The following SLC15A2 variants were observed in gnomAD, a reference collection of about 807,000 sequenced individuals.
SLC15A2 encodes the protein solute carrier family 15 member 2.
Under a neutral mutation model 95.5 loss-of-function variants are expected in SLC15A2, and 77 were observed. The observed-to-expected ratio is 0.81, with a 90% confidence interval of 0.67 to 0.97. The LOEUF (loss-of-function observed/expected upper bound fraction) is 0.97, where lower values mean the gene tolerates loss of function less well. Ranked by LOEUF, SLC15A2 falls within the 50% of genes least tolerant of loss-of-function variation. SLC15A2 has a pLI of 0.00. For synonymous variants in SLC15A2, 306 were observed against 306.9 expected (o/e 1.00, Z 0.03); for missense variants, 893 against 874.4 (o/e 1.02, Z -0.27).
intron 11 of SLC15A2, among the ~76,000 whole-genome samples, chr3:121,923,980 T>G (rs754672486): frequency 6.6e-6 from 1 of 152,172 alleles, no homozygotes; most frequent in Non-Finnish European, 1.5e-5. Flanking sequence ...GGAAACACTA[T>G]GTGTCAGGGA....
intron 5 of SLC15A2, among the ~76,000 whole-genome samples, chr3:121,913,417 T>G (rs1709814702): frequency 6.6e-6 from 1 of 152,192 alleles, no homozygotes; most frequent in Admixed American, 6.5e-5. Context: ...TTATAGATGC[T>G]GGAAGGATGT....
At chr3:121,908,800 T>G (rs1286488463) in intron 3 of SLC15A2, among the ~76,000 whole-genome samples, 1 of 152,160 alleles carries the variant, frequency 6.6e-6, no homozygotes, top group African/African-American at 2.4e-5. Flanking sequence ...CACATTAACT[T>G]GTTCATGATA....
chr3:121,941,129 C>A lies in SLC15A2; in HGVS notation c.*122C>A. On this transcript the variant is annotated 3_prime_UTR_variant, in exon 22 of 22. Transcript: ENST00000489711. ...AGAGCTGATCTCCTCCACCTTTCTC[C>A]AATGACAGAAGTTCCAGGACTGGTT... 3.5e-6 allele frequency: 3 copies of A among 853,212 alleles called. No individual in the cohort carries two copies. The highest frequency in any genetic ancestry group is 2.1e-5 in the South Asian group (1 of 47,852). The allele number at this position is 853,212 out of a possible 1,614,324, so 52.9% of individuals were successfully genotyped here.
chr3:121,927,460 C>G (rs1301249468), intron 13 of SLC15A2, among the ~76,000 whole-genome samples: 1 of 152,170 alleles, frequency 6.6e-6, no homozygotes, highest in Non-Finnish European at 1.5e-5. Context: ...CTCCCATCTC[C>G]TCGCTTGCTT....
chr3:121,926,286 C>T (rs758224496), intron 13 of SLC15A2, among the ~76,000 whole-genome samples: 1 of 152,020 alleles, frequency 6.6e-6, no homozygotes, highest in Non-Finnish European at 1.5e-5. Flanking sequence ...GGGAGGTAGT[C>T]GGATCATGGG....
At chr3:121,912,147 T>C (rs1709779764) in intron 4 of SLC15A2, among the ~76,000 whole-genome samples, 1 of 152,218 alleles carries the variant, frequency 6.6e-6, no homozygotes, top group Non-Finnish European at 1.5e-5. Context: ...ATTACAGCTG[T>C]TCACAAAGCA....
chr3:121,928,302 G>A, intron 14 of SLC15A2, 119 bp from the exon 15 acceptor site: 1 of 1,249,740 alleles, frequency 8.0e-7, no homozygotes, highest in South Asian at 1.5e-5. Context: ...TTTTCAGAGG[G>A]AGAAAACTAT....
intron 3 of SLC15A2, among the ~76,000 whole-genome samples, chr3:121,899,088 A>G (rs1709474558): frequency 1.3e-5 from 2 of 152,202 alleles, no homozygotes; most frequent in African/African-American, 4.8e-5. Context: ...AAAGATTCAT[A>G]TACATGACAT....
At chr3:121,912,589 T>TGTTG (rs1439976375) in intron 4 of SLC15A2, among the ~76,000 whole-genome samples, 1 of 152,192 alleles carries the variant, frequency 6.6e-6, no homozygotes, top group Non-Finnish European at 1.5e-5. Flanking sequence ...TCTTTGACAC[T>TGTTG]GTTGCTATTA....
intron 19 of SLC15A2, among the ~76,000 whole-genome samples, chr3:121,935,543 T>C (rs1165713188): frequency 6.6e-6 from 1 of 152,186 alleles, no homozygotes; most frequent in African/African-American, 2.4e-5. Context: ...CTTTCTAGTT[T>C]ATTTGTGTAG....
intron 3 of SLC15A2, among the ~76,000 whole-genome samples, chr3:121,906,395 A>G (rs937034831): frequency 3.9e-5 from 6 of 152,150 alleles, no homozygotes; most frequent in African/African-American, 1.4e-4. Context: ...ATTTGATCCA[A>G]TCATTATGAT....
intron 7 of SLC15A2, among the ~76,000 whole-genome samples, chr3:121,917,146 T>C (rs961927514): frequency 6.6e-6 from 1 of 152,132 alleles, no homozygotes; most frequent in African/African-American, 2.4e-5. Context: ...CATTCACTCA[T>C]TTTTTTAACC....
chr3:121,940,329 G>C, intron 20 of SLC15A2, 55 bp from the exon 21 acceptor site: 6 of 1,332,548 alleles, frequency 4.5e-6, no homozygotes, highest in South Asian at 1.2e-5. Context: ...TGGATGCATG[G>C]GGCATGAGGG....
In SLC15A2 at chr3:121,896,395, T is replaced by C. The variant is rs1709412751; in HGVS notation, c.106-11T>C. Reference sequence around the variant, plus strand: ...AGCTCATGCTTGAATCATTGCCTTCTTGTTGAATAGACAATCTGTGGCTCC... The same window carrying C: ...AGCTCATGCTTGAATCATTGCCTTCCTGTTGAATAGACAATCTGTGGCTCC... On this transcript the variant is annotated splice_polypyrimidine_tract_variant and intron_variant, in intron 1 of 21. Coordinates refer to ENST00000489711, the MANE Select transcript of SLC15A2 (RefSeq NM_021082.4). 6.2e-7 allele frequency: 1 copy of C among 1,608,096 alleles called. No individual in the cohort carries two copies. Among genetic ancestry groups the C allele is most frequent in the African/African-American group, 1.3e-5 (1 of 74,946 alleles).
intron 3 of SLC15A2, 149 bp downstream of exon 3, chr3:121,897,678 A>T (rs1406611714): frequency 3.6e-5 from 23 of 644,014 alleles, no homozygotes; most frequent in Non-Finnish European, 4.0e-5. Context: ...TGGGAAATTT[A>T]AAAAAAAAGA....
chr3:121,914,314 T>A (rs1288641778), intron 5 of SLC15A2, among the ~76,000 whole-genome samples: 1 of 152,206 alleles, frequency 6.6e-6, no homozygotes, highest in Non-Finnish European at 1.5e-5. Flanking sequence ...GGTGTCAGAA[T>A]GAAGCATGTC....
intron 19 of SLC15A2, among the ~76,000 whole-genome samples, chr3:121,938,810 C>A (rs1358739231): frequency 2.0e-5 from 3 of 152,190 alleles, no homozygotes; most frequent in African/African-American, 7.2e-5. Flanking sequence ...TCTCTTTTAA[C>A]CCTCCTGGCC....
At chr3:121,902,305 C>T (rs553181268) in intron 3 of SLC15A2, among the ~76,000 whole-genome samples, 19 of 152,202 alleles carry the variant, frequency 1.2e-4, no homozygotes, top group African/African-American at 3.4e-4. Context: ...TGGGCAATCA[C>T]TTAGAACCAC....
chr3:121,933,375 C>A (rs1394796519), intron 19 of SLC15A2, among the ~76,000 whole-genome samples: 8 of 149,238 alleles, frequency 5.4e-5, no homozygotes, highest in Non-Finnish European at 9.0e-5. Flanking sequence ...TACAGTCCCA[C>A]CAACAGTGTA....
Sources: gnomAD v4.1 joint callset for allele counts (sites outside exome capture counted in the v4.1 genomes callset) on GRCh38, gnomAD v4.1.1 for gene constraint, MANE v1.5 for transcripts, NCBI Gene and HGNC (gene_info 2026-07-23, HGNC 2026-07-21) for gene names.